The following PSEN2 variants were observed in gnomAD, a reference collection of about 807,000 sequenced individuals.
PSEN2 encodes the protein presenilin-2.
In PSEN2, 32 loss-of-function variants were observed where a neutral mutation model predicts 49.1. The ratio of observed to expected loss-of-function variants is 0.65; its 90% confidence interval spans 0.49 to 0.88. The LOEUF (loss-of-function observed/expected upper bound fraction) is 0.88. Ranked by LOEUF, PSEN2 falls within the 40% of genes least tolerant of loss-of-function variation. The probability of loss-of-function intolerance (pLI) is 0.00; values close to 1 mark genes in which losing one functional copy is unlikely to be tolerated. For synonymous variants in PSEN2, 255 were observed against 244.0 expected, an observed-to-expected ratio of 1.05 and a Z score of -0.42; for missense variants, 522 against 586.9, an observed-to-expected ratio of 0.89 and a Z score of 1.14.
At chr1:226,888,271 C>A in intron 7 of PSEN2, 113 bp downstream of exon 7, 1 of 994,336 alleles carries the variant, frequency 1.0e-6, no homozygotes, top group Non-Finnish European at 1.6e-6. Context: ...CCAGTCTTCC[C>A]CAGTGCCAGC....
At chr1:226,888,279 A>C (rs1418022669) in intron 7 of PSEN2, 121 bp downstream of exon 7, 6 of 960,880 alleles carry the variant, frequency 6.2e-6, no homozygotes, top group Non-Finnish European at 8.2e-6. Context: ...CCCCAGTGCC[A>C]GCCGTTTTGG....
intron 12 of PSEN2, chr1:226,903,380 A>C (rs1475097189): frequency 2.6e-4 from 40 of 152,240 alleles, no homozygotes; most frequent in Admixed American, 2.6e-3. Flanking sequence ...TTATGACAAG[A>C]GCACACACAC....
intron 2 of PSEN2, among the ~76,000 whole-genome samples, chr1:226,872,034 C>T (rs186618435): frequency 6.6e-6 from 1 of 152,304 alleles, no homozygotes; most frequent in East Asian, 1.9e-4. Context: ...GTTGAAGTGC[C>T]CATGTGCCAA....
intron 6 of PSEN2, among the ~76,000 whole-genome samples, chr1:226,886,889 C>A (rs1661398096): frequency 6.6e-6 from 1 of 152,120 alleles, no homozygotes; most frequent in Non-Finnish European, 1.5e-5. Context: ...ATCGCCTGAC[C>A]CCAGGAGTTC....
intron 3 of PSEN2, among the ~76,000 whole-genome samples, chr1:226,876,900 G>T (rs939160759): frequency 7.2e-5 from 11 of 152,104 alleles, no homozygotes; most frequent in Admixed American, 2.6e-4. Context: ...ACTCTCCTCC[G>T]CAGTGGGCAT....
intron 3 of PSEN2, among the ~76,000 whole-genome samples, chr1:226,876,020 A>G (rs1051527513): frequency 3.9e-5 from 6 of 152,150 alleles, no homozygotes; most frequent in African/African-American, 1.4e-4. Context: ...TCTCTAGAGA[A>G]TGGGGTGCAG....
chr1:226,878,053 A>T (rs1458756653), intron 3 of PSEN2, among the ~76,000 whole-genome samples: 1 of 152,056 alleles, frequency 6.6e-6, no homozygotes, highest in South Asian at 2.1e-4. Flanking sequence ...ACTGCTTTCC[A>T]GGGATTGTCT....
At chr1:226,873,298 A>G (rs754987055) in intron 2 of PSEN2, among the ~76,000 whole-genome samples, 2 of 152,234 alleles carry the variant, frequency 1.3e-5, no homozygotes, top group African/African-American at 2.4e-5. Context: ...TCTTTGTGAA[A>G]ATTCTAGAAC....
chr1:226,881,657 C>T (rs1392642832), intron 3 of PSEN2, among the ~76,000 whole-genome samples: 1 of 152,212 alleles, frequency 6.6e-6, no homozygotes, highest in Non-Finnish European at 1.5e-5. Context: ...GTTTTGCCCC[C>T]TGGGATGTGA....
chr1:226,896,114 C>T (rs201914773), downstream of PSEN2: 18 of 169,088 alleles, frequency 1.1e-4, no homozygotes, highest in Admixed American at 7.7e-4. Context: ...GAGTTTGGTC[C>T]GTTGTAAATG....
Position 226,901,690 on chromosome 1 carries a change from T to G in PSEN2, c.1192-6832T>G, listed in dbSNP as rs1662326919. Among the ~76,000 whole-genome samples, 4 of 152,358 alleles carry G rather than the reference T, an allele frequency of 2.6e-5. No individual in the cohort carries two copies. In the South Asian group the frequency reaches 8.3e-4, roughly 32 times the overall value. ...CCTGTTCATGTGCTTACTGGTCAGA[T>G]ATCTTTCTTTTGTTACATTTTATTA... On this transcript the variant is annotated intron_variant, in intron 12 of 14. Transcript: ENST00000676945.
Position 226,872,329 on chromosome 1 carries a change from A to G in PSEN2, c.-207+925A>G, listed in dbSNP as rs116187190. Among the ~76,000 whole-genome samples, 640 of 152,360 alleles carry G rather than the reference A, an allele frequency of 4.2e-3. 2 individuals carry two copies. Among genetic ancestry groups the G allele is most frequent in the African/African-American group, 0.014 (597 of 41,582 alleles). On this transcript the variant is annotated intron_variant, in intron 2 of 12. Transcript: ENST00000366783. ...AAAAAGCTATCTTGTACAGAATATTAGAATTTAAGATCTTAAGAATTTCAA... is the reference window on the plus strand; with the variant it reads ...AAAAAGCTATCTTGTACAGAATATTGGAATTTAAGATCTTAAGAATTTCAA...
chr1:226,883,956 G>A, intron 5 of PSEN2, 37 bp downstream of exon 5: 2 of 1,360,518 alleles, frequency 1.5e-6, no homozygotes, highest in African/African-American at 1.5e-5. Context: ...GGTGGGGTGA[G>A]GGCTGAGTTG....
chr1:226,892,641 G>A (rs1800675), intron 11 of PSEN2, among the ~76,000 whole-genome samples: 1,940 of 152,252 alleles, frequency 0.013, 18 homozygotes, highest in Middle Eastern at 0.024. Context: ...ATCACTCTGC[G>A]GTGGGTCTGG....
intron 3 of PSEN2, among the ~76,000 whole-genome samples, chr1:226,880,283 G>A (rs1660890657): frequency 6.6e-6 from 1 of 152,130 alleles, no homozygotes; most frequent in Admixed American, 6.5e-5. Context: ...AGGCTGAAGT[G>A]GGAGAATTGC....
rs1661160311 is a variant in PSEN2 at position 226,883,823 on chromosome 1, A to G, written c.260A>G (p.His87Arg). Residue 87 changes from histidine (H) to arginine (R), a missense_variant, in exon 5 of 13, where the codon CAC (histidine) becomes CGC (arginine). By Grantham distance (29) the His-to-Arg change is conservative. Coordinates refer to ENST00000366783, the MANE Select transcript of PSEN2 (RefSeq NM_000447.3). ...EELTLKYGAK[H>R]VIMLFVPVTL... ...CTGACCCTCAAATACGGAGCGAAGCACGTGATCATGCTGTTTGTGCCTGTC... is the reference window on the plus strand; with the variant it reads ...CTGACCCTCAAATACGGAGCGAAGCGCGTGATCATGCTGTTTGTGCCTGTC... The G allele has an allele frequency of 6.2e-7, 1 of 1,613,964 alleles. No homozygotes were observed. Among genetic ancestry groups the G allele is most frequent in the Non-Finnish European group, 8.5e-7 (1 of 1,179,988 alleles).
intron 6 of PSEN2, among the ~76,000 whole-genome samples, chr1:226,887,846 C>T (rs918527859): frequency 6.6e-5 from 10 of 152,108 alleles, no homozygotes; most frequent in African/African-American, 1.7e-4. Flanking sequence ...GGGGGGAGAC[C>T]GCAAGGCTAT....
Position 226,885,578 on chromosome 1 carries a change from C to G in PSEN2, c.397C>G (p.Gln133Glu). 1 of 1,613,864 alleles carries G rather than the reference C, an allele frequency of 6.2e-7. No homozygotes were observed. The change falls in exon 6 of 13, where the codon CAG becomes GAG. Residue 133 changes from glutamine (Q) to glutamate (E), a missense_variant. Gln to Glu is a conservative substitution (Grantham distance 29, BLOSUM62 2). Coordinates refer to ENST00000366783, the MANE Select transcript of PSEN2 (RefSeq NM_000447.3). ...CACTGAGGACACACCCTCGGTGGGC[C>G]AGCGCCTCCTCAACTCCGTGCTGAA... ...PFTEDTPSVG[Q>E]RLLNSVLNTL...
Position 226,882,574 on chromosome 1 carries a change from G to A in PSEN2, c.141+526G>A, listed in dbSNP as rs534060807. 5.3e-5 allele frequency among the ~76,000 whole-genome samples: 8 copies of A among 152,322 alleles called. No individual in the cohort carries two copies. In the South Asian group the frequency reaches 6.2e-4, roughly 12 times the overall value. ...ATCGTTGGGAGAGCCACTTAGTTGT[G>A]TCCTTTCTCTCCCGATCAGGGCAGA... On this transcript the variant is annotated intron_variant, in intron 4 of 12. Coordinates refer to ENST00000366783, the MANE Select transcript of PSEN2 (RefSeq NM_000447.3).
Sources: gnomAD v4.1 joint callset for allele counts (sites outside exome capture counted in the v4.1 genomes callset) on GRCh38, gnomAD v4.1.1 for gene constraint, MANE v1.5 for transcripts, NCBI Gene and HGNC (gene_info 2026-07-23, HGNC 2026-07-21) for gene names.